BRIP1: variants seen among roughly 807,000 people sequenced by gnomAD.
The protein encoded by BRIP1 is Fanconi anemia group J protein.
In BRIP1, 88 loss-of-function variants were observed where a neutral mutation model predicts 119.7. That is an observed-to-expected ratio of 0.74 (90% CI 0.62 to 0.88). The LOEUF is 0.88. Among genes scored for constraint, BRIP1 ranks in the 40% least tolerant of loss-of-function variants. BRIP1 has a pLI of 0.00. For missense variants in BRIP1, 1,259 were observed against 1,455.4 expected (o/e 0.87, Z 2.20); for synonymous variants, 443 against 496.5 (o/e 0.89, Z 1.43).
chr17:61,722,014 C>A lies in BRIP1; in HGVS notation c.2380-5951G>T, dbSNP rs1028503277. On this transcript the variant is annotated intron_variant, in intron 16 of 19. Coordinates refer to ENST00000259008, the MANE Select transcript of BRIP1 (RefSeq NM_032043.3). The surrounding 1 kb of genome is among the most constrained non-coding windows in gnomAD (Gnocchi z 4.6). The stretch of plus-strand genomic sequence containing the variant: ...AAAGTGCTGGGATTACAGGTGTGAG[C>A]CACCACGCCTAGCCAACTTTGCTTT... 1.7e-4 allele frequency among the ~76,000 whole-genome samples: 26 copies of A among 150,530 alleles called. No homozygotes were observed. Among genetic ancestry groups the A allele is most frequent in the African/African-American group, 6.1e-4 (25 of 41,014 alleles).
chr17:61,790,993 G>A (rs926111442), intron 10 of BRIP1, among the ~76,000 whole-genome samples: 2 of 152,082 alleles, frequency 1.3e-5, no homozygotes, highest in African/African-American at 4.8e-5. Context: ...TATGAAAGAT[G>A]TCACAATATG....
rs1567724580 is a variant in BRIP1, at chr17:61,680,664, A to C, written c.*2632T>G. ...CTGGCTAATTTTTTGTATTTTTAGT[A>C]GAGACGGGGTTTCACCGTGTTAACC... is the stretch of plus-strand genomic sequence containing the variant. On this transcript the variant is annotated 3_prime_UTR_variant, in exon 20 of 20. Coordinates refer to ENST00000259008, the MANE Select transcript of BRIP1 (RefSeq NM_032043.3). Among the ~76,000 whole-genome samples, 1 of 151,700 alleles carries C rather than the reference A, an allele frequency of 6.6e-6. No homozygotes were observed. The highest frequency in any genetic ancestry group is 1.5e-5 in the Non-Finnish European group (1 of 67,918).
chr17:61,849,635 G>C (rs1463865540), intron 4 of BRIP1, among the ~76,000 whole-genome samples: 1 of 152,108 alleles, frequency 6.6e-6, no homozygotes, highest in African/African-American at 2.4e-5. Flanking sequence ...ACGTTCTTTA[G>C]AGCAAAACCA....
intron 10 of BRIP1, among the ~76,000 whole-genome samples, chr17:61,792,792 AG>A (rs1369555070): frequency 6.6e-6 from 1 of 152,216 alleles, no homozygotes; most frequent in Admixed American, 6.5e-5. Flanking sequence ...CTACAACACA[AG>A]GGGTAAACCT....
At chr17:61,716,488 T>G (rs2144390241) in intron 16 of BRIP1, among the ~76,000 whole-genome samples, 1 of 152,228 alleles carries the variant, frequency 6.6e-6, no homozygotes, top group East Asian at 1.9e-4. Flanking sequence ...GTTTTGCCCT[T>G]TATAGAATTT....
chr17:61,851,654 C>T lies in BRIP1; in HGVS notation c.380-2398G>A, dbSNP rs2078824002. Among the ~76,000 whole-genome samples, 1 of 152,094 alleles carries T rather than the reference C, an allele frequency of 6.6e-6. No homozygotes were observed. The highest frequency in any genetic ancestry group is 2.1e-4 in the South Asian group (1 of 4,826). On this transcript the variant is annotated intron_variant, in intron 4 of 19. Transcript: ENST00000259008. The surrounding 1 kb of genome is among the most constrained non-coding windows in gnomAD (Gnocchi z 4.6). ...CTAACCTCAGTCTGTCTTAATTACT[C>T]TATATTTACACACAATAAATCCGTA...
At position 61,683,964 on chromosome 17, in the gene BRIP1, T is replaced by G; in HGVS notation, c.3082A>C (p.Asn1028His). ...AAACGGGGAGGACTAGAGGCACTATTCTCTGATGACCCGAGCTCAGGTGTT... is the reference window on the plus strand; with the variant it reads ...AAACGGGGAGGACTAGAGGCACTATGCTCTGATGACCCGAGCTCAGGTGTT... The part of the protein sequence containing the change: ...KATPELGSSE[N>H]SASSPPRFKT... The change falls in exon 20 of 20, where the codon AAT becomes CAT. Residue 1028 changes from asparagine (N) to histidine (H), a missense_variant. This residue lies in a region of BRIP1 where 753 missense variants were observed against 891.8 expected (regional missense o/e 0.84). Coordinates refer to ENST00000259008, the MANE Select transcript of BRIP1 (RefSeq NM_032043.3). This position sits in a 1 kb window ranked among gnomAD's most constrained non-coding sequence, Gnocchi z 4.7. 6.2e-7 allele frequency: 1 copy of G among 1,614,184 alleles called. No individual in the cohort carries two copies. Among genetic ancestry groups the G allele is most frequent in the South Asian group, 1.1e-5 (1 of 91,080 alleles).
chr17:61,780,117 G>C lies in BRIP1; in HGVS notation c.1935+144C>G. On this transcript the variant is annotated intron_variant, in intron 13 of 19. Transcript: ENST00000259008. The surrounding 1 kb of genome is among the most constrained non-coding windows in gnomAD (Gnocchi z 5.4). ...TTGACACATCATTAAGTAGCTGACAGATTTTCTTTTATTGTAAAACTGGAA... is the reference window on the plus strand; with the variant it reads ...TTGACACATCATTAAGTAGCTGACACATTTTCTTTTATTGTAAAACTGGAA... The C allele has an allele frequency of 1.1e-6, 1 of 870,442 alleles. No homozygotes were observed. The highest frequency in any genetic ancestry group is 1.8e-6 in the Non-Finnish European group (1 of 553,228). 53.9% of individuals were successfully genotyped at this position (870,442 alleles called of 1,614,324 possible).
intron 16 of BRIP1, among the ~76,000 whole-genome samples, chr17:61,741,519 G>A (rs561048987): frequency 6.6e-6 from 1 of 152,318 alleles, no homozygotes; most frequent in South Asian, 2.1e-4. Context: ...TACTTCTTAA[G>A]TAATGAGACT....
intron 14 of BRIP1, among the ~76,000 whole-genome samples, chr17:61,765,417 ATATATATTTTTTTTTT>A (rs1209533417): frequency 8.3e-5 from 1 of 12,062 alleles, no homozygotes; most frequent in Non-Finnish European, 1.3e-4. Context: ...ATATATATAT[ATATATATTTTTTTTTT>A]TTTTTTTTTT....
rs1467662394 is a variant in BRIP1 at position 61,852,179 on chromosome 17, G to A, written c.380-2923C>T. On this transcript the variant is annotated intron_variant, in intron 4 of 19. Transcript: ENST00000259008. The surrounding 1 kb of genome is among the most constrained non-coding windows in gnomAD (Gnocchi z 4.9). ...CTGAACTGCCATGTGCCAAATAAGG[G>A]TAACCCCAATTCATAAAAATAAAAA... Among the ~76,000 whole-genome samples, 1 of 152,008 alleles carries A rather than the reference G, an allele frequency of 6.6e-6. No homozygotes were observed. The highest frequency in any genetic ancestry group is 2.4e-5 in the African/African-American group (1 of 41,372).
chr17:61,749,349 T>C (rs554914572), intron 14 of BRIP1, among the ~76,000 whole-genome samples: 1 of 151,412 alleles, frequency 6.6e-6, no homozygotes. Context: ...TGAGAAAAAA[T>C]ATCTGCAAAC....
rs1046404485 is a variant in BRIP1, at chr17:61,720,872, C to T, written c.2380-4809G>A. ...TTTTCTTTTTTTTTTGAGACAGAGT[C>T]TCGCTCCATTGCCCAGGCTGGAGTG... On this transcript the variant is annotated intron_variant, in intron 16 of 19. Transcript: ENST00000259008. The surrounding 1 kb of genome is among the most constrained non-coding windows in gnomAD (Gnocchi z 4.3). Among the ~76,000 whole-genome samples the T allele has an allele frequency of 3.3e-5, 5 of 152,014 alleles. No individual in the cohort carries two copies. The highest frequency in any genetic ancestry group is 5.9e-5 in the Non-Finnish European group (4 of 68,012).
Position 61,801,408 on chromosome 17 carries a change from G to GT in BRIP1, c.984_985insA (p.Gln329ThrfsTer35), listed in dbSNP as rs1555607759. 6.2e-7 allele frequency: 1 copy of GT among 1,613,852 alleles called. No homozygotes were observed. The highest frequency in any genetic ancestry group is 8.5e-7 in the Non-Finnish European group (1 of 1,179,892). On this transcript the variant is annotated frameshift_variant, in exon 8 of 20. Transcript: ENST00000259008. LOFTEE classifies it high-confidence loss of function. ...ATATCCCAGGCTTTGCACATCCCTTGGAAAGTCTGTAATGTGTGCTGATCA... is the reference window on the plus strand; with the variant it reads ...ATATCCCAGGCTTTGCACATCCCTTGTGAAAGTCTGTAATGTGTGCTGATCA...
chr17:61,801,560 T>A, intron 7 of BRIP1, 86 bp from the exon 8 acceptor site: 1 of 1,268,822 alleles, frequency 7.9e-7, no homozygotes, highest in Admixed American at 1.7e-5. Context: ...TTGAGGAACA[T>A]CATTAAAGCC....
rs559162927 is a variant in BRIP1, at chr17:61,743,452, A to G, written c.2258-318T>C. Among the ~76,000 whole-genome samples the G allele has an allele frequency of 8.6e-4, 131 of 152,320 alleles. No homozygotes were observed. Among genetic ancestry groups the G allele is most frequent in the Middle Eastern group, 3.4e-3 (1 of 294 alleles). On this transcript the variant is annotated intron_variant, in intron 15 of 19. Coordinates refer to ENST00000259008, the MANE Select transcript of BRIP1 (RefSeq NM_032043.3). The surrounding 1 kb of genome is among the most constrained non-coding windows in gnomAD (Gnocchi z 4.3). ...TTATAAACAGGTTTATTTAATAAAA[A>G]TTGAAGTTGCATTATTACCTTTACC...
chr17:61,691,138 C>A lies in BRIP1; in HGVS notation c.2575+2292G>T, dbSNP rs1267093249. 6.6e-6 allele frequency among the ~76,000 whole-genome samples: 1 copy of A among 151,700 alleles called. No individual in the cohort carries two copies. Among genetic ancestry groups the A allele is most frequent in the East Asian group, 1.9e-4 (1 of 5,174 alleles). ...CATTAGGAGATATACCTAATGTAAA[C>A]GACAAGTTAATGGGTGCAGCACACT... is the stretch of plus-strand genomic sequence containing the variant. On this transcript the variant is annotated intron_variant, in intron 18 of 19. Coordinates refer to ENST00000259008, the MANE Select transcript of BRIP1 (RefSeq NM_032043.3). The surrounding 1 kb of genome is among the most constrained non-coding windows in gnomAD (Gnocchi z 5.0).
intron 6 of BRIP1, among the ~76,000 whole-genome samples, chr17:61,820,597 C>T (rs2078305788): frequency 6.6e-6 from 1 of 152,152 alleles, no homozygotes; most frequent in Non-Finnish European, 1.5e-5. Context: ...TACTTAGACC[C>T]CTTCTTTCAT....
rs1381956144 is a variant in BRIP1 at position 61,720,120 on chromosome 17, G to C, written c.2380-4057C>G. On this transcript the variant is annotated intron_variant, in intron 16 of 19. Transcript: ENST00000259008. The surrounding 1 kb of genome is among the most constrained non-coding windows in gnomAD (Gnocchi z 4.3). ...CAAAGTGCTAGGAATACAGGCATGA[G>C]CCACTGCGTCTGGCTGAGATTTGTT... Among the ~76,000 whole-genome samples, 1 of 152,126 alleles carries C rather than the reference G, an allele frequency of 6.6e-6. No homozygotes were observed. Among genetic ancestry groups the C allele is most frequent in the East Asian group, 1.9e-4 (1 of 5,188 alleles).
Sources: allele counts gnomAD v4.1 joint callset (sites outside exome capture counted in the v4.1 genomes callset), GRCh38; gene constraint gnomAD v4.1.1; regional missense constraint gnomAD v4.1.1; non-coding constraint Gnocchi (gnomAD v3.1); transcripts MANE v1.5; gene names NCBI Gene and HGNC (gene_info 2026-07-23, HGNC 2026-07-21).